The following TRPM3 variants were observed in gnomAD, a reference collection of about 807,000 sequenced individuals.
TRPM3 encodes the protein long transient receptor potential channel 3.
In TRPM3, 77 loss-of-function variants were observed where a neutral mutation model predicts 181.2. The ratio of observed to expected loss-of-function variants is 0.42; its 90% CI spans 0.35 to 0.51. The LOEUF is 0.51. Among genes scored for constraint, TRPM3 ranks in the 20% least tolerant of loss-of-function variants. TRPM3 has a pLI of 0.01. For missense variants in TRPM3, 1,759 were observed against 2,196.7 expected, an observed-to-expected ratio of 0.80 and a Z score of 3.98; for synonymous variants, 745 against 796.4, an observed-to-expected ratio of 0.94 and a Z score of 1.09.
intron 22 of TRPM3, among the ~76,000 whole-genome samples, chr9:70,565,112 G>T (rs1383737114): frequency 5.3e-5 from 8 of 152,178 alleles, no homozygotes; most frequent in Middle Eastern, 3.2e-3. Context: ...TGGCTCTTGT[G>T]TTGGGACTAT....
At chr9:70,825,900 G>A (rs1488028403) in intron 6 of TRPM3, 1 of 152,256 alleles carries the variant, frequency 6.6e-6, no homozygotes, top group Non-Finnish European at 1.5e-5. Context: ...GGCTCTGGCT[G>A]GGGTTTTAAC....
intron 19 of TRPM3, among the ~76,000 whole-genome samples, chr9:70,606,631 G>T (rs1198840206): frequency 3.7e-5 from 2 of 54,426 alleles, no homozygotes; most frequent in African/African-American, 4.9e-5. Flanking sequence ...TGCTTTAATT[G>T]TGTGTGTGTG....
At chr9:71,227,865 G>T (rs989725160) in intron 1 of TRPM3, among the ~76,000 whole-genome samples, 10 of 152,126 alleles carry the variant, frequency 6.6e-5, no homozygotes, top group African/African-American at 1.9e-4. Flanking sequence ...ACAAAGTAAA[G>T]CCTGGGACCC....
intron 1 of TRPM3, among the ~76,000 whole-genome samples, chr9:70,995,371 T>G (rs1049047118): frequency 8.5e-5 from 13 of 152,210 alleles, no homozygotes; most frequent in Admixed American, 2.6e-4. Context: ...GATGGATTAC[T>G]TACTGCTTTT....
chr9:71,280,078 C>T (rs1249899125), intron 1 of TRPM3, among the ~76,000 whole-genome samples: 21 of 105,738 alleles, frequency 2.0e-4, no homozygotes, highest in African/African-American at 7.5e-4. Flanking sequence ...AACTCCATCT[C>T]AAAAAAAAAA....
intron 6 of TRPM3, among the ~76,000 whole-genome samples, chr9:70,822,759 TTG>T (rs113090222): frequency 0.036 from 5,237 of 147,120 alleles, 149 homozygotes; most frequent in African/African-American, 0.077. Context: ...AAGATTTGTC[TTG>T]TGTGTGTGTG....
chr9:70,921,251 A>G (rs1265834820), intron 1 of TRPM3, among the ~76,000 whole-genome samples: 1 of 152,202 alleles, frequency 6.6e-6, no homozygotes, highest in Non-Finnish European at 1.5e-5. Flanking sequence ...TTTAAATAAA[A>G]TTTTATAACC....
At chr9:71,305,987 C>G (rs184719592) in intron 1 of TRPM3, among the ~76,000 whole-genome samples, 1 of 152,138 alleles carries the variant, frequency 6.6e-6, no homozygotes, top group Non-Finnish European at 1.5e-5. Flanking sequence ...GTTGTACACA[C>G]TAAACTTTCC....
chr9:71,052,581 G>A (rs181920464), intron 1 of TRPM3, among the ~76,000 whole-genome samples: 9 of 152,072 alleles, frequency 5.9e-5, no homozygotes, highest in African/African-American at 1.9e-4. Context: ...AATCACTTAC[G>A]CTTCTTGCAA....
intron 1 of TRPM3, among the ~76,000 whole-genome samples, chr9:71,292,139 T>C (rs934626246): frequency 1.3e-5 from 2 of 151,942 alleles, no homozygotes; most frequent in Admixed American, 6.6e-5. Context: ...TGAAAATGAA[T>C]AAACATTGAA....
At chr9:70,782,882 C>CTACTA (rs1478606468) in intron 7 of TRPM3, among the ~76,000 whole-genome samples, 1 of 152,010 alleles carries the variant, frequency 6.6e-6, no homozygotes, top group East Asian at 1.9e-4. Flanking sequence ...ATAGGTTCAT[C>CTACTA]TACTAACTAG....
intron 8 of TRPM3, among the ~76,000 whole-genome samples, chr9:70,687,615 A>T (rs2067304594): frequency 6.6e-6 from 1 of 152,210 alleles, no homozygotes; most frequent in Non-Finnish European, 1.5e-5. Context: ...TTGTGGACAG[A>T]TTACCTTAGG....
chr9:71,444,157 G>A (rs569039615), intron 1 of TRPM3, among the ~76,000 whole-genome samples: 5 of 116,570 alleles, frequency 4.3e-5, no homozygotes, highest in Non-Finnish European at 8.2e-5. Context: ...CCAGCCTGGC[G>A]ACAGAGCAAG....
At chr9:71,400,732 C>CTTTT (rs775401373) in intron 1 of TRPM3, among the ~76,000 whole-genome samples, 7 of 151,496 alleles carry the variant, frequency 4.6e-5, no homozygotes, top group Non-Finnish European at 1.0e-4. Flanking sequence ...TAATACTGTA[C>CTTTT]CAAAAGCAAA....
chr9:70,758,201 G>A (rs952841024), intron 8 of TRPM3, among the ~76,000 whole-genome samples: 1 of 152,112 alleles, frequency 6.6e-6, no homozygotes, highest in Non-Finnish European at 1.5e-5. Flanking sequence ...CAAACAGAGA[G>A]CCAAATCATG....
intron 1 of TRPM3, among the ~76,000 whole-genome samples, chr9:71,333,348 A>C (rs1226968361): frequency 6.6e-6 from 1 of 151,956 alleles, no homozygotes; most frequent in African/African-American, 2.4e-5. Flanking sequence ...CCCTTGGATA[A>C]TCCTCTCCTA....
chr9:71,165,356 T>G (rs934589549), intron 1 of TRPM3, among the ~76,000 whole-genome samples: 1 of 152,132 alleles, frequency 6.6e-6, no homozygotes, highest in Non-Finnish European at 1.5e-5. Flanking sequence ...TGTTATGGGT[T>G]TTGTTGTTAC....
At chr9:70,926,470 T>C (rs542973432) in intron 1 of TRPM3, among the ~76,000 whole-genome samples, 1 of 152,228 alleles carries the variant, frequency 6.6e-6, no homozygotes, top group South Asian at 2.1e-4. Flanking sequence ...TAAAAGTGGC[T>C]CTCTCAAAAG....
intron 1 of TRPM3, among the ~76,000 whole-genome samples, chr9:71,408,885 A>G (rs2093488436): frequency 6.6e-6 from 1 of 152,248 alleles, no homozygotes; most frequent in Non-Finnish European, 1.5e-5. Context: ...AGGGAAGCCC[A>G]TCGGACTAGC....
Sources: allele counts gnomAD v4.1 joint callset (sites outside exome capture counted in the v4.1 genomes callset), GRCh38; gene constraint gnomAD v4.1.1; transcripts MANE v1.5; gene names NCBI Gene and HGNC (gene_info 2026-07-23, HGNC 2026-07-21).